Variants in MUC7 observed in about 807,000 individuals in gnomAD.
MUC7 encodes mucin 7, secreted, also known as mucin-7.
In MUC7, 2 loss-of-function variants were observed where a neutral mutation model predicts 2.5. The observed-to-expected ratio is 0.81, with a 90% confidence interval of 0.33 to 2.55. The LOEUF (loss-of-function observed/expected upper bound fraction) is 2.55. Ranked by LOEUF, MUC7 falls within the 30% of genes most tolerant of loss-of-function variation. The pLI is 0.11. For missense variants in MUC7, 408 were observed against 455.6 expected (o/e 0.90, Z 0.95); for synonymous variants, 133 against 173.4 (o/e 0.77, Z 1.83).
rs900428970 is a variant in MUC7 at position 70,446,632 on chromosome 4, A to G, written c.-93+15945A>G. 3.3e-5 allele frequency among the ~76,000 whole-genome samples: 5 copies of G among 152,322 alleles called. No homozygotes were observed. In the East Asian group the frequency reaches 7.7e-4, roughly 23 times the overall value. The stretch of plus-strand genomic sequence containing the variant: ...TTACATCTGCAATGACTATTTCCAA[A>G]TAAGGCCACATTCTGAGGTCCTGGA... On this transcript the variant is annotated intron_variant, in intron 1 of 3. Coordinates refer to the MUC7 transcript ENST00000413702.
chr4:70,436,140 G>T (rs937774374), intron 1 of MUC7, among the ~76,000 whole-genome samples: 10 of 152,040 alleles, frequency 6.6e-5, no homozygotes, highest in African/African-American at 2.4e-4. Context: ...TAACATTTTT[G>T]CCTTCATTTC....
At position 70,481,028 on chromosome 4, in the gene MUC7, A is replaced by G. The variant is rs1438580791; in HGVS notation, c.284A>G (p.Asp95Gly). 1 of 1,614,142 alleles carries G rather than the reference A, an allele frequency of 6.2e-7. No individual in the cohort carries two copies. The change falls in exon 3 of 3, where the codon GAT (aspartate) becomes GGT (glycine). Residue 95 changes from aspartate to glycine, a missense_variant. Asp to Gly is a moderately conservative substitution (Grantham distance 94). This residue lies in a region of MUC7 where 225 missense variants were observed against 240.5 expected (regional missense o/e 0.94). Transcript: ENST00000304887. ...PNPHQPPKHPDKNSSVVNPTL... is the reference protein window; with the variant it reads ...PNPHQPPKHPGKNSSVVNPTL... Reference sequence around the variant, plus strand: ...CCTCACCAGCCACCTAAACATCCAGATAAAAATAGCAGTGTGGTCAACCCT... The same window carrying G: ...CCTCACCAGCCACCTAAACATCCAGGTAAAAATAGCAGTGTGGTCAACCCT...
At chr4:70,475,705 A>G (rs1734978331) in intron 2 of MUC7, among the ~76,000 whole-genome samples, 1 of 152,146 alleles carries the variant, frequency 6.6e-6, no homozygotes, top group Non-Finnish European at 1.5e-5. Flanking sequence ...CATGCTATGT[A>G]CCTGCAAGTA....
chr4:70,482,166 T>C lies in MUC7; in HGVS notation c.*288T>C, dbSNP rs1456221249. ...AAGTCCTTAGATAAAGAGAGAATATTGTATGGGCCATCAACCATTTACTTT... is the reference window on the plus strand; with the variant it reads ...AAGTCCTTAGATAAAGAGAGAATATCGTATGGGCCATCAACCATTTACTTT... On this transcript the variant is annotated 3_prime_UTR_variant, in exon 3 of 3. Coordinates refer to ENST00000304887, the MANE Select transcript of MUC7 (RefSeq NM_152291.3). The C allele has an allele frequency of 8.3e-6, 3 of 359,470 alleles. No individual in the cohort carries two copies. Among genetic ancestry groups the C allele is most frequent in the East Asian group, 5.6e-5 (1 of 17,912 alleles). 22.3% of individuals were successfully genotyped at this position (359,470 alleles called of 1,614,324 possible).
intron 1 of MUC7, among the ~76,000 whole-genome samples, chr4:70,450,091 G>A (rs192467934): frequency 6.6e-6 from 1 of 152,344 alleles, no homozygotes; most frequent in East Asian, 1.9e-4. Context: ...TGGGAGTCAT[G>A]GTCTAGAGTA....
At chr4:70,454,671 T>C (rs1734371603) in intron 1 of MUC7, among the ~76,000 whole-genome samples, 2 of 151,428 alleles carry the variant, frequency 1.3e-5, no homozygotes, top group South Asian at 2.1e-4. Context: ...TCTGTGTAGA[T>C]AGTGGTCGAA....
Position 70,442,128 on chromosome 4 carries a change from A to G in MUC7, c.-93+11441A>G, listed in dbSNP as rs898756406. Among the ~76,000 whole-genome samples the G allele has an allele frequency of 3.5e-4, 53 of 152,336 alleles. 1 individual carries two copies. Among genetic ancestry groups the G allele is most frequent in the Admixed American group, 3.2e-3 (49 of 15,300 alleles). On this transcript the variant is annotated intron_variant, in intron 1 of 3. Coordinates refer to the MUC7 transcript ENST00000413702. ...ACAGCCTTGGCCAACTGAGTTAAGC[A>G]TGAGTTCATCTCCTTGGTAAACACT... is the stretch of plus-strand genomic sequence containing the variant.
chr4:70,447,888 CT>C (rs1560547455), intron 1 of MUC7, among the ~76,000 whole-genome samples: 2 of 152,106 alleles, frequency 1.3e-5, no homozygotes, highest in African/African-American at 4.8e-5. Flanking sequence ...CTTATTCATT[CT>C]TTCCATTTGT....
intron 1 of MUC7, among the ~76,000 whole-genome samples, chr4:70,432,804 C>G (rs571803220): frequency 6.6e-6 from 1 of 152,218 alleles, no homozygotes; most frequent in Admixed American, 6.5e-5. Flanking sequence ...AGTCCTTGCC[C>G]ATGTCTATGT....
At chr4:70,469,882 G>A (rs112537586), upstream of MUC7, among the ~76,000 whole-genome samples, 13 of 152,148 alleles carry the variant, frequency 8.5e-5, 1 homozygote, top group East Asian at 7.8e-4. Flanking sequence ...CAGAAATATC[G>A]TTTGACCCAG....
intron 1 of MUC7, among the ~76,000 whole-genome samples, chr4:70,450,611 T>C (rs1342644313): frequency 6.6e-6 from 1 of 152,206 alleles, no homozygotes; most frequent in Non-Finnish European, 1.5e-5. Flanking sequence ...ATGTAGTACT[T>C]GGCTATCACT....
intron 1 of MUC7, among the ~76,000 whole-genome samples, chr4:70,441,157 A>T: frequency 6.6e-6 from 1 of 152,166 alleles, no homozygotes; most frequent in East Asian, 1.9e-4. Flanking sequence ...AAGCAGACAG[A>T]TTATATCCCT....
chr4:70,478,302 C>T (rs1434304767), intron 2 of MUC7, among the ~76,000 whole-genome samples: 6 of 152,118 alleles, frequency 3.9e-5, no homozygotes. Context: ...CATGCATTTA[C>T]TCATTCAATT....
At chr4:70,478,505 C>T (rs971148917) in intron 2 of MUC7, among the ~76,000 whole-genome samples, 2 of 152,074 alleles carry the variant, frequency 1.3e-5, no homozygotes, top group African/African-American at 2.4e-5. Flanking sequence ...ATGAATAAGC[C>T]GACATCCAGG....
At chr4:70,468,440 T>C (rs1189100990), upstream of MUC7, among the ~76,000 whole-genome samples, 1 of 152,084 alleles carries the variant, frequency 6.6e-6, no homozygotes, top group Admixed American at 6.6e-5. Flanking sequence ...AAATAAAGGG[T>C]ATTCAAATAG....
chr4:70,461,566 T>C (rs1734556934), intron 1 of MUC7, among the ~76,000 whole-genome samples: 1 of 152,212 alleles, frequency 6.6e-6, no homozygotes, highest in Non-Finnish European at 1.5e-5. Flanking sequence ...TTAAGTCTAA[T>C]GCCTTCTTAT....
At chr4:70,454,101 C>T (rs1734357537) in intron 1 of MUC7, among the ~76,000 whole-genome samples, 1 of 152,026 alleles carries the variant, frequency 6.6e-6, no homozygotes. Context: ...AGCTGTGCTG[C>T]CTGTGGCTAG....
At chr4:70,480,343 G>A (rs532341651) in intron 2 of MUC7, among the ~76,000 whole-genome samples, 24 of 152,136 alleles carry the variant, frequency 1.6e-4, no homozygotes, top group East Asian at 5.8e-4. Flanking sequence ...TGGCTGTTTC[G>A]TATTTTGATG....
chr4:70,470,173 T>G, upstream of MUC7, among the ~76,000 whole-genome samples: 1 of 151,956 alleles, frequency 6.6e-6, no homozygotes, highest in Non-Finnish European at 1.5e-5. Flanking sequence ...AACCAAACAC[T>G]GCATGTTCTC....
Sources: gnomAD v4.1 joint callset for allele counts (sites outside exome capture counted in the v4.1 genomes callset) on GRCh38, gnomAD v4.1.1 for gene constraint, gnomAD v4.1.1 regional missense constraint, MANE v1.5 for transcripts, NCBI Gene and HGNC (gene_info 2026-07-23, HGNC 2026-07-21) for gene names.